The following BMP6 variants were observed in gnomAD, a reference collection of about 807,000 sequenced individuals.
BMP6 encodes bone morphogenetic protein 6, also known as VG-1-R.
Under a neutral mutation model 54.1 loss-of-function variants are expected in BMP6, and 17 were observed. The ratio of observed to expected loss-of-function variants is 0.31; its 90% CI spans 0.22 to 0.47. The LOEUF is 0.47. BMP6 is among the 20% of genes least tolerant of loss of function. The pLI, the probability that BMP6 is intolerant of heterozygous loss-of-function variation, is 1.00. For synonymous variants in BMP6, 328 were observed against 291.2 expected (o/e 1.13, Z -1.28); for missense variants, 720 against 690.4 (o/e 1.04, Z -0.48).
intron 1 of BMP6, 140 bp downstream of exon 1, chr6:7,727,759 G>T: frequency 9.1e-7 from 1 of 1,097,400 alleles, no homozygotes; most frequent in Non-Finnish European, 1.2e-6. Context: ...GGACAGGCAG[G>T]CTGTGCTCCC....
At chr6:7,863,595 C>T (rs986403496) in intron 4 of BMP6, among the ~76,000 whole-genome samples, 7 of 152,142 alleles carry the variant, frequency 4.6e-5, no homozygotes, top group African/African-American at 1.7e-4. Context: ...ATTGGCCAGA[C>T]CTGAACTGTG....
intron 1 of BMP6, among the ~76,000 whole-genome samples, chr6:7,837,612 A>C (rs1758893883): frequency 1.3e-5 from 2 of 152,118 alleles, no homozygotes; most frequent in Admixed American, 6.6e-5. Flanking sequence ...AAAGTCAAAG[A>C]ATGACACAAT....
At chr6:7,743,139 A>T (rs985066039) in intron 1 of BMP6, among the ~76,000 whole-genome samples, 1 of 152,196 alleles carries the variant, frequency 6.6e-6, no homozygotes, top group Admixed American at 6.5e-5. Context: ...CTGTCCTATC[A>T]AGTGGTAATC....
intron 1 of BMP6, among the ~76,000 whole-genome samples, chr6:7,831,045 A>G (rs1165954432): frequency 6.6e-6 from 1 of 152,240 alleles, no homozygotes; most frequent in Non-Finnish European, 1.5e-5. Context: ...AGGTGGAAAG[A>G]GTCCAAATGT....
At chr6:7,804,135 A>C (rs1279389198) in intron 1 of BMP6, among the ~76,000 whole-genome samples, 1 of 152,214 alleles carries the variant, frequency 6.6e-6, no homozygotes, top group East Asian at 1.9e-4. Flanking sequence ...GCATTATAAG[A>C]GATGGAAATG....
In BMP6 at chr6:7,845,218, G is replaced by A. The variant is rs533705273; in HGVS notation, c.743G>A (p.Gly248Asp). The A allele has an allele frequency of 1.4e-5, 22 of 1,614,204 alleles. No individual in the cohort carries two copies. In the South Asian group the frequency reaches 2.2e-4, roughly 16 times the overall value. Residue 248 changes from glycine to aspartate, a missense_variant, in exon 2 of 7, where the codon GGT becomes GAT. Coordinates refer to ENST00000283147, the MANE Select transcript of BMP6 (RefSeq NM_001718.6). ...FKFNLSQIPE[G>D]EVVTAAEFRI... ...TTCAACTTATCCCAGATTCCTGAGG[G>A]TGAGGTGGTGACGGCTGCAGAATTC...
chr6:7,880,096 A>G lies in BMP6; in HGVS notation c.1387A>G (p.Thr463Ala), dbSNP rs1319179351. Residue 463 changes from threonine (T) to alanine (A), a missense_variant, in exon 6 of 7, where the codon ACC becomes GCC. Physicochemically the swap from Thr to Ala is moderately conservative, Grantham distance 58. Transcript: ENST00000283147. ...TGCAACCAACCACGCGATTGTGCAG[A>G]CCTTGGTGAGCTCTCGGAGACTTTG... is the stretch of plus-strand genomic sequence containing the variant. ...MNATNHAIVQ[T>A]LVHLMNPEYV... The G allele has an allele frequency of 1.2e-6, 2 of 1,614,146 alleles. No homozygotes were observed. The highest frequency in any genetic ancestry group is 8.5e-7 in the Non-Finnish European group (1 of 1,180,016).
chr6:7,752,921 C>T lies in BMP6; in HGVS notation c.664+25302C>T, dbSNP rs78077587. The stretch of plus-strand genomic sequence containing the variant: ...CTTATTATCTGCTGGGCATAATAAA[C>T]ACCTACACCTAGCCTCCAGGGATCA... On this transcript the variant is annotated intron_variant, in intron 1 of 6. Coordinates refer to ENST00000283147, the MANE Select transcript of BMP6 (RefSeq NM_001718.6). Among the ~76,000 whole-genome samples the T allele has an allele frequency of 5.3e-3, 811 of 152,194 alleles. 13 individuals are homozygous for T. Among genetic ancestry groups the T allele is most frequent in the African/African-American group, 0.018 (765 of 41,518 alleles).
At position 7,845,197 on chromosome 6, in the gene BMP6, A is replaced by G. The variant is rs1759042621; in HGVS notation, c.722A>G (p.Asn241Ser). The G allele has an allele frequency of 1.2e-6, 2 of 1,614,166 alleles. No individual in the cohort carries two copies. Among genetic ancestry groups the G allele is most frequent in the South Asian group, 1.1e-5 (1 of 91,072 alleles). The part of the protein sequence containing the change: ...RQRHHKEFKF[N>S]LSQIPEGEVV... ...CGACACCACAAAGAGTTCAAGTTCA[A>G]CTTATCCCAGATTCCTGAGGGTGAG... is the stretch of plus-strand genomic sequence containing the variant. Residue 241 changes from asparagine to serine, a missense_variant, in exon 2 of 7, where the codon AAC (asparagine) becomes AGC (serine). Coordinates refer to ENST00000283147, the MANE Select transcript of BMP6 (RefSeq NM_001718.6).
At chr6:7,793,642 ACT>A (rs1758145872) in intron 1 of BMP6, among the ~76,000 whole-genome samples, 1 of 151,772 alleles carries the variant, frequency 6.6e-6, no homozygotes, top group Non-Finnish European at 1.5e-5. Context: ...GCATATGAGA[ACT>A]CTCTGTACCT....
intron 1 of BMP6, among the ~76,000 whole-genome samples, chr6:7,824,934 C>A (rs894269171): frequency 6.6e-6 from 1 of 152,180 alleles, no homozygotes; most frequent in East Asian, 1.9e-4. Flanking sequence ...ATACCACTGG[C>A]TTATTGTCGA....
chr6:7,733,840 G>T (rs1308389761), intron 1 of BMP6, among the ~76,000 whole-genome samples: 1 of 152,164 alleles, frequency 6.6e-6, no homozygotes, highest in Non-Finnish European at 1.5e-5. Flanking sequence ...AGTGGTGATA[G>T]TTGTATGAAG....
intron 1 of BMP6, among the ~76,000 whole-genome samples, chr6:7,791,159 G>C (rs747520792): frequency 6.6e-6 from 1 of 152,202 alleles, no homozygotes; most frequent in Non-Finnish European, 1.5e-5. Flanking sequence ...ATGGTCACTT[G>C]TATGAGAGGA....
At chr6:7,791,040 C>A (rs1047239467) in intron 1 of BMP6, among the ~76,000 whole-genome samples, 1 of 152,160 alleles carries the variant, frequency 6.6e-6, no homozygotes, top group African/African-American at 2.4e-5. Context: ...TCTCCCCTCT[C>A]CTCCGACAAA....
intron 1 of BMP6, among the ~76,000 whole-genome samples, chr6:7,759,124 T>G (rs1284730245): frequency 6.6e-6 from 1 of 152,238 alleles, no homozygotes. Flanking sequence ...TGCCGCTGTC[T>G]TGGGATTTGA....
At chr6:7,817,981 A>C (rs1224239416) in intron 1 of BMP6, among the ~76,000 whole-genome samples, 1 of 152,330 alleles carries the variant, frequency 6.6e-6, no homozygotes, top group East Asian at 1.9e-4. Flanking sequence ...CAGGTGGGTA[A>C]ATTTAGATCA....
At position 7,741,381 on chromosome 6, in the gene BMP6, G is replaced by T. The variant is rs188201992; in HGVS notation, c.664+13762G>T. On this transcript the variant is annotated intron_variant, in intron 1 of 6. Transcript: ENST00000283147. ...TGCGATTATAGGTCACTGCAACCTT[G>T]AACTCCTGGGCTCAAGTGATCCTCC... Among the ~76,000 whole-genome samples the T allele has an allele frequency of 1.1e-4, 16 of 152,256 alleles. No homozygotes were observed. In the East Asian group the frequency reaches 2.3e-3, roughly 22 times the overall value.
Position 7,861,484 on chromosome 6 carries a change from A to C in BMP6, c.891A>C (p.Val297=). 2 of 1,614,182 alleles carry C rather than the reference A, an allele frequency of 1.2e-6. No homozygotes were observed. Among genetic ancestry groups the C allele is most frequent in the Non-Finnish European group, 8.5e-7 (1 of 1,180,034 alleles). ...ACCTGTTTTTGTTGGACACCCGTGTAGTATGGGCCTCAGAAGAAGGCTGGC... is the reference window on the plus strand; with the variant it reads ...ACCTGTTTTTGTTGGACACCCGTGTCGTATGGGCCTCAGAAGAAGGCTGGC... ...DSDLFLLDTR[V]VWASEEGWLE... The change falls in exon 3 of 7, where the codon GTA becomes GTC. Residue 297 remains valine (V), a synonymous_variant. Coordinates refer to ENST00000283147, the MANE Select transcript of BMP6 (RefSeq NM_001718.6).
intron 1 of BMP6, among the ~76,000 whole-genome samples, chr6:7,784,221 G>A (rs1757989239): frequency 2.0e-5 from 3 of 152,094 alleles, no homozygotes; most frequent in Admixed American, 1.3e-4. Flanking sequence ...GTTTCCTTTT[G>A]TGATTGTTGA....
Sources: allele counts gnomAD v4.1 joint callset (sites outside exome capture counted in the v4.1 genomes callset), GRCh38; gene constraint gnomAD v4.1.1; transcripts MANE v1.5; gene names NCBI Gene and HGNC (gene_info 2026-07-23, HGNC 2026-07-21).